CDH23: variants seen among roughly 807,000 people sequenced by gnomAD.
CDH23 encodes cadherin-23.
CDH23 carries 189 observed loss-of-function variants against 317.1 expected under a neutral mutation model. That is an observed-to-expected ratio of 0.60 (90% CI 0.53 to 0.67). The LOEUF is 0.67. Among genes scored for constraint, CDH23 ranks in the 30% least tolerant of loss-of-function variants. The pLI, the probability that CDH23 is intolerant of heterozygous loss-of-function variation, is 0.00. For missense variants in CDH23, 4,401 were observed against 4,592.4 expected (o/e 0.96, Z 1.20); for synonymous variants, 1,839 against 1,876.8 (o/e 0.98, Z 0.52).
rs1857435185 is a variant in CDH23, at chr10:71,566,868, A to G, written c.556A>G (p.Ile186Val). The G allele has an allele frequency of 1.2e-6, 2 of 1,613,974 alleles. No individual in the cohort carries two copies. The highest frequency in any genetic ancestry group is 1.7e-6 in the Non-Finnish European group (2 of 1,179,886). ...CTTCGCCATTGACAGCGCCCGCGGT[A>G]TCGTCACAGTGATCCGGGAGCTGGA... Reference protein sequence around the residue: ...QFFAIDSARGIVTVIRELDYE... With the variant: ...QFFAIDSARGVVTVIRELDYE... The change falls in exon 7 of 70, where the codon ATC becomes GTC. Residue 186 changes from isoleucine (I) to valine (V), a missense_variant. Around this residue, in one of 3 missense-constraint regions of CDH23, gnomAD observed 3,068 missense variants for 3,203.3 expected, o/e 0.96. Transcript: ENST00000224721.
intron 55 of CDH23, 78 bp downstream of exon 55, chr10:71,803,498 A>C: frequency 7.6e-7 from 1 of 1,308,318 alleles, no homozygotes; most frequent in Non-Finnish European, 1.1e-6. Flanking sequence ...GAAGCACCCC[A>C]CTCTAAAGGT....
chr10:71,534,352 G>A (rs181035002), intron 6 of CDH23, among the ~76,000 whole-genome samples: 19 of 152,264 alleles, frequency 1.2e-4, no homozygotes, highest in African/African-American at 4.1e-4. Flanking sequence ...CATGTCTGGG[G>A]GTCTTGGCTG....
intron 9 of CDH23, among the ~76,000 whole-genome samples, chr10:71,597,898 C>T (rs548063720): frequency 1.7e-4 from 26 of 152,320 alleles, no homozygotes; most frequent in Admixed American, 6.5e-5. Context: ...TCCATGATCC[C>T]GCCCCACCCC....
intron 38 of CDH23, chr10:71,753,943 G>GC (rs1840069307): frequency 2.2e-6 from 1 of 450,526 alleles, no homozygotes; most frequent in African/African-American, 2.0e-5. Flanking sequence ...TTGGGGTGAG[G>GC]GTTGTTGGTC....
At chr10:71,617,658 T>C (rs571599827) in intron 11 of CDH23, 44 of 490,028 alleles carry the variant, frequency 9.0e-5, no homozygotes, top group Admixed American at 3.2e-4. Context: ...ATCATCATAC[T>C]AATCTAGTAG....
Position 71,486,668 on chromosome 10 carries a change from A to C in CDH23, c.146-23414A>C, listed in dbSNP as rs140989346. Among the ~76,000 whole-genome samples, 267 of 152,254 alleles carry C rather than the reference A, an allele frequency of 1.8e-3. 3 individuals carry two copies. The highest frequency in any genetic ancestry group is 6.8e-3 in the Middle Eastern group (2 of 294). On this transcript the variant is annotated intron_variant, in intron 3 of 69. Coordinates refer to ENST00000224721, the MANE Select transcript of CDH23 (RefSeq NM_022124.6). ...AGGCTCAGGCCATAGCCACAGTTGC[A>C]TGGTCAGTAGGGGGCGCAGCTGGAC...
In CDH23 at chr10:71,812,620, G is replaced by C. The variant is rs774392820; in HGVS notation, c.9510+11G>C. On this transcript the variant is annotated intron_variant, in intron 67 of 69. Transcript: ENST00000224721. The stretch of plus-strand genomic sequence containing the variant: ...CCCACGCGCACCCATGTGAGCCAGA[G>C]GCGGTCAGGCATCACAAGGGGCAGG... 1.2e-6 allele frequency: 2 copies of C among 1,613,636 alleles called. No individual in the cohort carries two copies. The highest frequency in any genetic ancestry group is 1.7e-6 in the Non-Finnish European group (2 of 1,179,904).
chr10:71,583,774 T>G (rs1284399243), intron 9 of CDH23, among the ~76,000 whole-genome samples: 2 of 152,124 alleles, frequency 1.3e-5, no homozygotes, highest in African/African-American at 4.8e-5. Context: ...TGGACACAAG[T>G]TATCCCTCAA....
chr10:71,478,557 CA>C (rs1851909135), intron 3 of CDH23, among the ~76,000 whole-genome samples: 1 of 152,230 alleles, frequency 6.6e-6, no homozygotes, highest in African/African-American at 2.4e-5. Flanking sequence ...GGTTCATTTG[CA>C]ATTTCTGCTG....
chr10:71,410,602 A>T (rs74144943), intron 1 of CDH23, among the ~76,000 whole-genome samples: 2,463 of 152,340 alleles, frequency 0.016, 69 homozygotes, highest in African/African-American at 0.056. Context: ...GGCCATGCTC[A>T]TGTAACTGCC....
In CDH23 at chr10:71,439,917, G is replaced by C. The variant is rs115543769; in HGVS notation, c.67+19G>C. ...TGCTGGGGTAAGTCCAGTCCTCCCCGTGTCTATCCCATGGGCAGCCTCTGC... is the reference window on the plus strand; with the variant it reads ...TGCTGGGGTAAGTCCAGTCCTCCCCCTGTCTATCCCATGGGCAGCCTCTGC... On this transcript the variant is annotated intron_variant, in intron 2 of 69. Coordinates refer to ENST00000224721, the MANE Select transcript of CDH23 (RefSeq NM_022124.6). The C allele has an allele frequency of 1.9e-6, 3 of 1,559,388 alleles. No homozygotes were observed. Among genetic ancestry groups the C allele is most frequent in the Non-Finnish European group, 2.6e-6 (3 of 1,149,524 alleles).
chr10:71,584,883 C>A (rs1406404903), intron 9 of CDH23, among the ~76,000 whole-genome samples: 1 of 152,204 alleles, frequency 6.6e-6, no homozygotes, highest in African/African-American at 2.4e-5. Flanking sequence ...GAATGGCTCA[C>A]CTGGCTGGAG....
intron 11 of CDH23, among the ~76,000 whole-genome samples, chr10:71,621,380 G>A (rs1861459519): frequency 6.6e-6 from 1 of 152,232 alleles, no homozygotes; most frequent in Non-Finnish European, 1.5e-5. Context: ...ATTAGTGTGA[G>A]GATCCCACTA....
chr10:71,472,092 C>G (rs1851543603), intron 3 of CDH23, among the ~76,000 whole-genome samples: 1 of 152,206 alleles, frequency 6.6e-6, no homozygotes, highest in African/African-American at 2.4e-5. Flanking sequence ...GTCCTCAGCT[C>G]CATTCTTGGC....
At chr10:71,490,010 GGT>G (rs887267725) in intron 3 of CDH23, among the ~76,000 whole-genome samples, 7 of 151,886 alleles carry the variant, frequency 4.6e-5, no homozygotes, top group Admixed American at 4.6e-4. Context: ...GGTTCTTTGG[GGT>G]GCCTGCTTGA....
rs764805425 is a variant in CDH23 at position 71,730,601 on chromosome 10, T to G, written c.3712T>G (p.Ser1238Ala). 3 of 1,613,760 alleles carry G rather than the reference T, an allele frequency of 1.9e-6. No homozygotes were observed. The highest frequency in any genetic ancestry group is 2.5e-6 in the Non-Finnish European group (3 of 1,179,870). Residue 1238 changes from serine (S) to alanine (A), a missense_variant, in exon 31 of 70, where the codon TCT becomes GCT. By Grantham distance (99) the Ser-to-Ala change is moderately conservative (BLOSUM62 1). Around this residue, in one of 3 missense-constraint regions of CDH23, gnomAD observed 3,068 missense variants for 3,203.3 expected, o/e 0.96. Transcript: ENST00000224721. ...CGTGGTCCAAGCCACAGACCGAGAC[T>G]CTGGTGAGGCTGGCAGGAGGAAGCC... ...VIVVQATDRD[S>A]GDGGLVNYRI...
At chr10:71,399,487 C>T (rs970655547) in intron 1 of CDH23, among the ~76,000 whole-genome samples, 6 of 152,166 alleles carry the variant, frequency 3.9e-5, no homozygotes, top group South Asian at 2.1e-4. Context: ...TTGCTAGGCT[C>T]GGATTAATAG....
At chr10:71,549,359 G>T (rs1354528434) in intron 6 of CDH23, among the ~76,000 whole-genome samples, 1 of 152,262 alleles carries the variant, frequency 6.6e-6, no homozygotes, top group African/African-American at 2.4e-5. Flanking sequence ...TATAGGAGGG[G>T]AGGGGGCACG....
chr10:71,594,059 A>C (rs899786421), intron 9 of CDH23, among the ~76,000 whole-genome samples: 2 of 152,164 alleles, frequency 1.3e-5, no homozygotes, highest in African/African-American at 2.4e-5. Flanking sequence ...ATGCCATTGC[A>C]CTACAGCCTG....
Sources: allele counts gnomAD v4.1 joint callset (sites outside exome capture counted in the v4.1 genomes callset), GRCh38; gene constraint gnomAD v4.1.1; regional missense constraint gnomAD v4.1.1; transcripts MANE v1.5; gene names NCBI Gene and HGNC (gene_info 2026-07-23, HGNC 2026-07-21).